ANXA13: variants seen among roughly 807,000 people sequenced by gnomAD.
ANXA13 encodes the protein annexin A13, also known as annexin XIII.
In ANXA13, 36 loss-of-function variants were observed where a neutral mutation model predicts 46.6. That is an observed-to-expected ratio of 0.77 (90% confidence interval 0.59 to 1.02). ANXA13 has a LOEUF of 1.02. ANXA13 is among the 50% of genes least tolerant of loss of function. The pLI is 0.00. For missense variants in ANXA13, 417 were observed against 396.5 expected (o/e 1.05, Z -0.44); for synonymous variants, 163 against 152.9 (o/e 1.07, Z -0.49).
At chr8:123,691,478 G>A (rs947251356) in intron 8 of ANXA13, among the ~76,000 whole-genome samples, 5 of 152,188 alleles carry the variant, frequency 3.3e-5, no homozygotes, top group Non-Finnish European at 7.3e-5. Flanking sequence ...CACCCAGGGA[G>A]ACGCCCGACA....
intron 1 of ANXA13, among the ~76,000 whole-genome samples, chr8:123,731,092 G>A (rs4549748): frequency 0.36 from 55,230 of 152,020 alleles, 10,389 homozygotes; most frequent in South Asian, 0.48. Flanking sequence ...TCAGTTTCAC[G>A]TGGAAGGCTT....
At chr8:123,709,195 T>C (rs1813606155) in intron 2 of ANXA13, among the ~76,000 whole-genome samples, 2 of 152,206 alleles carry the variant, frequency 1.3e-5, no homozygotes, top group Non-Finnish European at 2.9e-5. Context: ...GCGATCCACA[T>C]GCAACGAGGG....
intron 4 of ANXA13, among the ~76,000 whole-genome samples, chr8:123,696,178 T>A (rs182620198): frequency 6.6e-6 from 1 of 152,254 alleles, no homozygotes; most frequent in East Asian, 1.9e-4. Context: ...GTTTAGCAGG[T>A]GGAATACTGT....
intron 1 of ANXA13, among the ~76,000 whole-genome samples, chr8:123,715,179 C>A (rs1235991663): frequency 6.6e-6 from 1 of 152,212 alleles, no homozygotes; most frequent in Non-Finnish European, 1.5e-5. Flanking sequence ...AATGAAAGTG[C>A]AGGGCTCCTT....
intron 9 of ANXA13, 75 bp from the exon 10 acceptor site, chr8:123,684,797 C>A: frequency 9.4e-7 from 1 of 1,069,226 alleles, no homozygotes; most frequent in Non-Finnish European, 1.5e-6. Flanking sequence ...CCCTAAATGT[C>A]ACCTGGCTGC....
intron 1 of ANXA13, among the ~76,000 whole-genome samples, chr8:123,735,225 C>T (rs1431427995): frequency 6.6e-6 from 1 of 151,622 alleles, no homozygotes; most frequent in African/African-American, 2.4e-5. Flanking sequence ...ATGTTGATGA[C>T]ATACATTTAA....
chr8:123,690,311 A>G lies in ANXA13; in HGVS notation c.643-1365T>C, dbSNP rs1018641701. Among the ~76,000 whole-genome samples the G allele has an allele frequency of 1.3e-5, 2 of 152,228 alleles. No individual in the cohort carries two copies. Among genetic ancestry groups the G allele is most frequent in the Admixed American group, 6.5e-5 (1 of 15,290 alleles). Reference sequence around the variant, plus strand: ...AGCAGGGATTTTAAATTTTCTGTAGAATCTCAGCCTACAAAACAGATGAAA... The same window carrying G: ...AGCAGGGATTTTAAATTTTCTGTAGGATCTCAGCCTACAAAACAGATGAAA... On this transcript the variant is annotated intron_variant, in intron 8 of 10. Transcript: ENST00000419625. This position sits in a 1 kb window ranked among gnomAD's most constrained non-coding sequence, Gnocchi z 4.6.
At chr8:123,710,218 A>C (rs146293535) in intron 2 of ANXA13, among the ~76,000 whole-genome samples, 235 of 152,372 alleles carry the variant, frequency 1.5e-3, no homozygotes, top group African/African-American at 5.4e-3. Context: ...TCTATGTAAA[A>C]AACCTATCAC....
At chr8:123,684,523 C>T (rs1228795384) in intron 10 of ANXA13, 87 bp downstream of exon 10, 9 of 905,088 alleles carry the variant, frequency 9.9e-6, no homozygotes, top group East Asian at 2.4e-5. Flanking sequence ...TGTAAATAGG[C>T]CCTTAATAGA....
chr8:123,733,206 T>TAAAA (rs1814161463), intron 1 of ANXA13, among the ~76,000 whole-genome samples: 1 of 151,318 alleles, frequency 6.6e-6, no homozygotes. Flanking sequence ...TAAGATGATC[T>TAAAA]TAAATAAATA....
At chr8:123,691,203 C>A (rs111524173) in intron 8 of ANXA13, among the ~76,000 whole-genome samples, 1,644 of 152,234 alleles carry the variant, frequency 0.011, 16 homozygotes, top group Middle Eastern at 0.027. Flanking sequence ...ACGACTCATG[C>A]CACATAAGAA....
intron 9 of ANXA13, among the ~76,000 whole-genome samples, chr8:123,688,290 G>T (rs1202732201): frequency 6.6e-6 from 1 of 152,152 alleles, no homozygotes; most frequent in East Asian, 1.9e-4. Flanking sequence ...TTTCGCTTGG[G>T]TCTTATTCTG....
chr8:123,693,625 C>A, intron 7 of ANXA13, 86 bp downstream of exon 7: 1 of 1,215,454 alleles, frequency 8.2e-7, no homozygotes, highest in South Asian at 1.3e-5. Context: ...AGTAACTCCT[C>A]TTTGCATGAA....
intron 1 of ANXA13, among the ~76,000 whole-genome samples, chr8:123,731,759 A>C (rs1179144634): frequency 6.6e-6 from 1 of 152,166 alleles, no homozygotes; most frequent in Non-Finnish European, 1.5e-5. Context: ...CTGTGGTCCC[A>C]GCTACTTGGG....
intron 4 of ANXA13, among the ~76,000 whole-genome samples, 176 bp from the exon 5 acceptor site, chr8:123,695,897 T>A (rs1813323282): frequency 6.7e-6 from 1 of 149,570 alleles, no homozygotes; most frequent in Non-Finnish European, 1.5e-5. Flanking sequence ...CCTGGAGATG[T>A]GACGGCCCGC....
intron 2 of ANXA13, among the ~76,000 whole-genome samples, chr8:123,704,942 G>C (rs1354548378): frequency 2.0e-5 from 3 of 152,304 alleles, no homozygotes; most frequent in Non-Finnish European, 2.9e-5. Context: ...TCTCCTCTGA[G>C]TTCAGATCTT....
intron 1 of ANXA13, among the ~76,000 whole-genome samples, chr8:123,722,759 A>G (rs1176355535): frequency 6.6e-6 from 1 of 152,200 alleles, no homozygotes; most frequent in Non-Finnish European, 1.5e-5. Flanking sequence ...ACAATGTCAC[A>G]GCGCTGGACA....
At chr8:123,681,963 A>G (rs1053805043) in intron 10 of ANXA13, among the ~76,000 whole-genome samples, 2 of 152,126 alleles carry the variant, frequency 1.3e-5, no homozygotes, top group African/African-American at 4.8e-5. Context: ...TACATGTTAC[A>G]AAGTATTATC....
In ANXA13 at chr8:123,690,626, G is replaced by T. The variant is rs2129834473; in HGVS notation, c.643-1680C>A. Among the ~76,000 whole-genome samples the T allele has an allele frequency of 6.6e-6, 1 of 152,270 alleles. No individual in the cohort carries two copies. The highest frequency in any genetic ancestry group is 2.1e-4 in the South Asian group (1 of 4,820). On this transcript the variant is annotated intron_variant, in intron 8 of 10. Transcript: ENST00000419625. This position sits in a 1 kb window ranked among gnomAD's most constrained non-coding sequence, Gnocchi z 4.6. ...CAGTTACTGCAACGTGATTCTTAGG[G>T]GCTCTTTGTACAGAAGCAGATTTTC...
Sources: gnomAD v4.1 joint callset for allele counts (sites outside exome capture counted in the v4.1 genomes callset) on GRCh38, gnomAD v4.1.1 for gene constraint, Gnocchi (gnomAD v3.1) non-coding constraint, MANE v1.5 for transcripts, NCBI Gene and HGNC (gene_info 2026-07-23, HGNC 2026-07-21) for gene names.